ZNF385D: variants seen among roughly 807,000 people sequenced by gnomAD.
The protein encoded by ZNF385D is zinc finger protein 385D, also known as zinc finger protein 659.
In ZNF385D, 15 loss-of-function variants were observed where a neutral mutation model predicts 35.8. That is an observed-to-expected ratio of 0.42 (90% CI 0.28 to 0.64). The LOEUF (loss-of-function observed/expected upper bound fraction) is 0.64, where lower values mean the gene tolerates loss of function less well. ZNF385D is among the 30% of genes least tolerant of loss of function. The pLI is 0.23. For missense variants in ZNF385D, 474 were observed against 494.6 expected (o/e 0.96, Z 0.39); for synonymous variants, 212 against 186.8 (o/e 1.13, Z -1.10).
At chr3:22,111,016 T>C (rs4858026) in intron 3 of ZNF385D, among the ~76,000 whole-genome samples, 119,025 of 151,834 alleles carry the variant, frequency 0.78, 47,591 homozygotes, top group Non-Finnish European at 0.84. Context: ...CTGAGAAAGG[T>C]CACTCTAGTG....
intron 3 of ZNF385D, among the ~76,000 whole-genome samples, chr3:22,159,979 C>G (rs1402161130): frequency 6.6e-6 from 1 of 151,918 alleles, no homozygotes; most frequent in Non-Finnish European, 1.5e-5. Flanking sequence ...TTTACAATCC[C>G]CACGTGTCAA....
intron 4 of ZNF385D, among the ~76,000 whole-genome samples, chr3:21,483,161 C>G (rs1704759098): frequency 6.6e-6 from 1 of 152,100 alleles, no homozygotes; most frequent in Non-Finnish European, 1.5e-5. Flanking sequence ...TCATAGCTTA[C>G]CTCCAACCCT....
rs561985420 is a variant in ZNF385D at position 22,205,215 on chromosome 3, G to GGTTTAAAAT, written c.107-36189_107-36181dup. ...AAGGCCAGAAGAGAGTGACATGACAGGTTTAAAATGCCGAAGGAAAAAATA... is the reference window on the plus strand; with the variant it reads ...AAGGCCAGAAGAGAGTGACATGACAGGTTTAAAATGTTTAAAATGCCGAAGGAAAAAATA... On this transcript the variant is annotated intron_variant, in intron 2 of 5. Coordinates refer to the ZNF385D transcript ENST00000494108. Among the ~76,000 whole-genome samples the GGTTTAAAAT allele has an allele frequency of 5.0e-3, 767 of 151,978 alleles. 1 individual carries two copies. Among genetic ancestry groups the GGTTTAAAAT allele is most frequent in the Middle Eastern group, 0.02 (6 of 294 alleles).
At chr3:21,464,610 C>G (rs1273769908) in intron 4 of ZNF385D, among the ~76,000 whole-genome samples, 1 of 152,112 alleles carries the variant, frequency 6.6e-6, no homozygotes, top group East Asian at 1.9e-4. Flanking sequence ...AGTTTTTAAA[C>G]CACAGCTGTT....
intron 1 of ZNF385D, among the ~76,000 whole-genome samples, chr3:21,742,498 G>A (rs1476038875): frequency 1.3e-5 from 2 of 152,220 alleles, no homozygotes; most frequent in Admixed American, 1.3e-4. Context: ...CTAAGCTACA[G>A]ACGTAGAGGC....
At chr3:22,241,165 T>C (rs571700689) in intron 2 of ZNF385D, among the ~76,000 whole-genome samples, 10 of 151,292 alleles carry the variant, frequency 6.6e-5, no homozygotes, top group Non-Finnish European at 1.3e-4. Context: ...CTAGCCCAAC[T>C]GTACTGAAAC....
At chr3:21,464,068 T>A (rs1163762327) in intron 4 of ZNF385D, among the ~76,000 whole-genome samples, 1 of 152,200 alleles carries the variant, frequency 6.6e-6, no homozygotes, top group Non-Finnish European at 1.5e-5. Flanking sequence ...AAGCAAAGAT[T>A]ACAATAAGCC....
At chr3:21,922,081 G>T (rs1575922542) in intron 3 of ZNF385D, among the ~76,000 whole-genome samples, 4 of 152,030 alleles carry the variant, frequency 2.6e-5, no homozygotes, top group Admixed American at 2.6e-4. Context: ...GATGAACCAA[G>T]GGGGTGAAAG....
chr3:21,923,684 G>C (rs575509854), intron 3 of ZNF385D, among the ~76,000 whole-genome samples: 3 of 148,984 alleles, frequency 2.0e-5, no homozygotes, highest in Non-Finnish European at 4.4e-5. Flanking sequence ...CCATAAAAAA[G>C]AACAAAATTA....
At chr3:21,729,887 G>C (rs868068611) in intron 1 of ZNF385D, among the ~76,000 whole-genome samples, 12 of 152,206 alleles carry the variant, frequency 7.9e-5, no homozygotes, top group African/African-American at 2.2e-4. Context: ...CCTCCTGCTG[G>C]AATGCAGGAG....
At chr3:22,284,717 T>C (rs998688647) in intron 2 of ZNF385D, among the ~76,000 whole-genome samples, 11 of 152,204 alleles carry the variant, frequency 7.2e-5, no homozygotes, top group African/African-American at 9.6e-5. Context: ...CTCTTCCTAC[T>C]TGAGATTCTT....
intron 2 of ZNF385D, among the ~76,000 whole-genome samples, chr3:21,594,388 T>TTAA (rs2064069950): frequency 6.6e-6 from 1 of 152,148 alleles, no homozygotes; most frequent in African/African-American, 2.4e-5. Flanking sequence ...AGTTTTTTAA[T>TTAA]GAAATGCTCC....
intron 4 of ZNF385D, among the ~76,000 whole-genome samples, chr3:21,508,918 A>G (rs182803154): frequency 1.3e-5 from 2 of 151,640 alleles, no homozygotes; most frequent in East Asian, 3.9e-4. Flanking sequence ...TTAAGAGATG[A>G]AAGTATCTAG....
chr3:21,454,207 G>T (rs557094318), intron 4 of ZNF385D, among the ~76,000 whole-genome samples: 1 of 151,944 alleles, frequency 6.6e-6, no homozygotes, highest in Non-Finnish European at 1.5e-5. Context: ...AAGGAGAAAA[G>T]GGGGAATTAA....
At chr3:22,042,830 G>A (rs969344145) in intron 3 of ZNF385D, among the ~76,000 whole-genome samples, 4 of 152,146 alleles carry the variant, frequency 2.6e-5, no homozygotes, top group African/African-American at 7.2e-5. Flanking sequence ...TGATCTCGAC[G>A]TGTTTGGTTG....
chr3:21,927,691 T>C (rs779500148), intron 3 of ZNF385D, among the ~76,000 whole-genome samples: 1 of 152,200 alleles, frequency 6.6e-6, no homozygotes, highest in Non-Finnish European at 1.5e-5. Context: ...GTGAATATTC[T>C]GATATCAGAC....
rs1444247854 is a variant in ZNF385D, at chr3:21,420,588, A to T, written c.*626T>A. On this transcript the variant is annotated 3_prime_UTR_variant, in exon 8 of 8. Coordinates refer to ENST00000281523, the MANE Select transcript of ZNF385D (RefSeq NM_024697.3). ...GTGTATGTTTATTTTTTGACTGCTT[A>T]TTGGTATGAAATAGTTGTTCATTCT... 3 of 152,198 alleles carry T rather than the reference A, an allele frequency of 2.0e-5. No homozygotes were observed. The highest frequency in any genetic ancestry group is 4.4e-5 in the Non-Finnish European group (3 of 68,070). The allele number at this position is 152,198 out of a possible 1,614,324, so 9.4% of individuals were successfully genotyped here. A position where few individuals can be genotyped will look rare whatever the true frequency, so the allele number is the denominator to read the frequency against.
At chr3:22,326,726 C>T (rs1415803000) in intron 2 of ZNF385D, among the ~76,000 whole-genome samples, 1 of 152,086 alleles carries the variant, frequency 6.6e-6, no homozygotes, top group African/African-American at 2.4e-5. Flanking sequence ...ACAAAGTCTA[C>T]CTAAGGGAGT....
At chr3:21,764,298 T>C (rs1016184474) in intron 3 of ZNF385D, among the ~76,000 whole-genome samples, 1 of 152,110 alleles carries the variant, frequency 6.6e-6, no homozygotes, top group Non-Finnish European at 1.5e-5. Context: ...TTAGGAGAAG[T>C]AGTTTGAAAG....
Sources: allele counts gnomAD v4.1 joint callset (sites outside exome capture counted in the v4.1 genomes callset), GRCh38; gene constraint gnomAD v4.1.1; transcripts MANE v1.5; gene names NCBI Gene and HGNC (gene_info 2026-07-23, HGNC 2026-07-21).